SLCO2A1: variants seen among roughly 807,000 people sequenced by gnomAD.
SLCO2A1 encodes the protein matrin F/G 1.
SLCO2A1 carries 60 observed loss-of-function variants against 71.7 expected under a neutral mutation model. The observed-to-expected ratio is 0.84, with a 90% CI of 0.68 to 1.04. The LOEUF (loss-of-function observed/expected upper bound fraction) is 1.04, where lower values mean the gene tolerates loss of function less well. Among genes scored for constraint, SLCO2A1 ranks in the 50% least tolerant of loss-of-function variants. The probability of loss-of-function intolerance (pLI) is 0.00; values close to 1 mark genes in which losing one functional copy is unlikely to be tolerated. For missense variants in SLCO2A1, 745 were observed against 813.4 expected, an observed-to-expected ratio of 0.92 and a Z score of 1.02; for synonymous variants, 308 against 326.7, an observed-to-expected ratio of 0.94 and a Z score of 0.62.
intron 1 of SLCO2A1, among the ~76,000 whole-genome samples, chr3:134,021,230 T>C (rs1010465328): frequency 1.3e-5 from 2 of 152,204 alleles, no homozygotes; most frequent in African/African-American, 4.8e-5. Context: ...CGAAGAAGCA[T>C]AGGTCAGGCA....
At chr3:133,975,057 C>T (rs1415410613) in intron 2 of SLCO2A1, among the ~76,000 whole-genome samples, 2 of 152,192 alleles carry the variant, frequency 1.3e-5, no homozygotes, top group African/African-American at 4.8e-5. Context: ...TGCTTCCCTT[C>T]CCCTGTCTGC....
intron 2 of SLCO2A1, among the ~76,000 whole-genome samples, chr3:133,977,604 G>A (rs566962041): frequency 2.0e-5 from 3 of 152,298 alleles, no homozygotes; most frequent in African/African-American, 7.2e-5. Flanking sequence ...CTAGAATATT[G>A]TGTTGAGAAG....
chr3:133,970,145 A>G (rs560034348), intron 3 of SLCO2A1, among the ~76,000 whole-genome samples: 5 of 152,318 alleles, frequency 3.3e-5, no homozygotes, highest in Non-Finnish European at 7.4e-5. Context: ...TTTACACAAC[A>G]TCATGTATTG....
At chr3:134,014,741 G>T (rs759320517) in intron 1 of SLCO2A1, among the ~76,000 whole-genome samples, 1 of 152,180 alleles carries the variant, frequency 6.6e-6, no homozygotes, top group Non-Finnish European at 1.5e-5. Flanking sequence ...GAGATGTTCC[G>T]TGGTCACGGG....
intron 2 of SLCO2A1, among the ~76,000 whole-genome samples, chr3:133,978,926 A>T (rs1011832879): frequency 1.3e-5 from 2 of 152,148 alleles, no homozygotes; most frequent in Non-Finnish European, 2.9e-5. Context: ...AAATGCTCGG[A>T]GGCCATAGAG....
At chr3:133,947,649 G>T (rs571053090) in intron 8 of SLCO2A1, among the ~76,000 whole-genome samples, 77 of 152,338 alleles carry the variant, frequency 5.1e-4, no homozygotes, top group African/African-American at 1.8e-3. Context: ...AGACAGGATT[G>T]CCTTGCCTAC....
At chr3:133,995,677 C>T (rs1934949409) in intron 1 of SLCO2A1, among the ~76,000 whole-genome samples, 1 of 152,188 alleles carries the variant, frequency 6.6e-6, no homozygotes, top group Admixed American at 6.5e-5. Context: ...TCACCCAGGA[C>T]ACACCTGTGG....
intron 1 of SLCO2A1, among the ~76,000 whole-genome samples, chr3:134,026,201 G>A (rs750905757): frequency 3.3e-5 from 5 of 152,048 alleles, no homozygotes; most frequent in Non-Finnish European, 7.3e-5. Context: ...TCTTTGTCTA[G>A]GACAGAAACT....
chr3:133,989,376 C>CA (rs1934787560), intron 1 of SLCO2A1, among the ~76,000 whole-genome samples: 2 of 152,256 alleles, frequency 1.3e-5, no homozygotes, highest in Non-Finnish European at 2.9e-5. Flanking sequence ...TGCCAAGGAC[C>CA]TGGACAACTC....
At chr3:133,995,471 C>T (rs1487576049) in intron 1 of SLCO2A1, among the ~76,000 whole-genome samples, 1 of 152,220 alleles carries the variant, frequency 6.6e-6, no homozygotes, top group Non-Finnish European at 1.5e-5. Context: ...GCATGGCCCT[C>T]CTCAGGTGAT....
Position 133,955,179 on chromosome 3 carries a change from A to G in SLCO2A1, c.412T>C (p.Leu138=). 2 of 1,613,516 alleles carry G rather than the reference A, an allele frequency of 1.2e-6. No individual in the cohort carries two copies. The highest frequency in any genetic ancestry group is 1.7e-6 in the Non-Finnish European group (2 of 1,179,800). Residue 138 remains leucine (L), a synonymous_variant, in exon 4 of 14, where the codon TTG becomes CTG. Transcript: ENST00000310926. Reference sequence around the variant, plus strand: ...TGCTTCTGGCAGAGCTCGGCCTGCAAGCGGCTGTTGTTCCCTGCAACGAGA... The same window carrying G: ...TGCTTCTGGCAGAGCTCGGCCTGCAGGCGGCTGTTGTTCCCTGCAACGAGA... ...TLASTGNNSR[L]QAELCQKHWQ...
chr3:133,955,403 G>T, intron 3 of SLCO2A1: 1 of 572,552 alleles, frequency 1.7e-6, no homozygotes, highest in South Asian at 2.2e-5. Flanking sequence ...AAAGAGAGGT[G>T]GAATGTGGGC....
chr3:133,988,389 A>G (rs1934762481), intron 1 of SLCO2A1, among the ~76,000 whole-genome samples: 1 of 152,152 alleles, frequency 6.6e-6, no homozygotes, highest in Non-Finnish European at 1.5e-5. Flanking sequence ...AAATTTTTGA[A>G]CCTAAACTAT....
In SLCO2A1 at chr3:133,947,258, AG is replaced by A. The variant is rs777058383; in HGVS notation, c.1292del (p.Pro431LeufsTer49). The A allele has an allele frequency of 5.6e-6, 9 of 1,613,370 alleles. No homozygotes were observed. The highest frequency in any genetic ancestry group is 7.6e-6 in the Non-Finnish European group (9 of 1,179,550). On this transcript the variant is annotated frameshift_variant, in exon 9 of 14. Transcript: ENST00000310926. LOFTEE classifies it high-confidence loss of function. ...TCTCTACCCCTTATTCCCATTACCT[AG>A]GGGGGTAGACTTCGGCCACAGTTGG... ...STPTVAEVYPPSTSSSIHPQS... is the reference protein window; with the variant it reads ...STPTVAEVYPXSTSSSIHPQS...
chr3:134,005,638 C>G (rs1280225233), intron 1 of SLCO2A1, among the ~76,000 whole-genome samples: 1 of 151,928 alleles, frequency 6.6e-6, no homozygotes, highest in South Asian at 2.1e-4. Flanking sequence ...CCTGCCACCA[C>G]GCCCGGCTAA....
At chr3:134,028,762 A>G (rs1374557476) in intron 1 of SLCO2A1, among the ~76,000 whole-genome samples, 1 of 152,214 alleles carries the variant, frequency 6.6e-6, no homozygotes, top group Non-Finnish European at 1.5e-5. Context: ...CAGTCTCTGC[A>G]GTCTCCCACA....
intron 4 of SLCO2A1, 93 bp downstream of exon 4, chr3:133,954,873 G>T: frequency 1.0e-6 from 1 of 998,088 alleles, no homozygotes; most frequent in African/African-American, 1.6e-5. Flanking sequence ...TAAGCAAAGA[G>T]GGTGGGACCT....
intron 1 of SLCO2A1, among the ~76,000 whole-genome samples, chr3:134,003,853 A>G (rs62272007): frequency 0.049 from 7,497 of 152,278 alleles, 301 homozygotes; most frequent in South Asian, 0.18. Context: ...ATTATCCTAG[A>G]TAATTTGGGT....
At chr3:133,935,978 G>C in intron 12 of SLCO2A1, 81 bp from the exon 13 acceptor site, 1 of 1,385,678 alleles carries the variant, frequency 7.2e-7, no homozygotes, top group Non-Finnish European at 9.5e-7. Flanking sequence ...CCAAGTCCCC[G>C]ACACAGTTCA....
Sources: gnomAD v4.1 joint callset for allele counts (sites outside exome capture counted in the v4.1 genomes callset) on GRCh38, gnomAD v4.1.1 for gene constraint, MANE v1.5 for transcripts, NCBI Gene and HGNC (gene_info 2026-07-23, HGNC 2026-07-21) for gene names.